Variants in PLD5 observed in about 807,000 individuals in gnomAD.
PLD5 encodes the protein inactive phospholipase D5.
Under a neutral mutation model 61.1 loss-of-function variants are expected in PLD5, and 36 were observed. The observed-to-expected ratio is 0.59, with a 90% CI of 0.45 to 0.78. The LOEUF (loss-of-function observed/expected upper bound fraction) is 0.78, where lower values mean the gene tolerates loss of function less well. PLD5 is among the 30% of genes least tolerant of loss of function. The pLI is 0.00. For synonymous variants in PLD5, 243 were observed against 242.8 expected (o/e 1.00, Z -0.01); for missense variants, 515 against 644.4 (o/e 0.80, Z 2.17).
At chr1:242,394,902 ATATGAATATATATGTATATATGTATACAT>A (rs1663377301) in intron 1 of PLD5, among the ~76,000 whole-genome samples, 1 of 119,280 alleles carries the variant, frequency 8.4e-6, no homozygotes, top group Non-Finnish European at 1.8e-5. Flanking sequence ...ATATGATTAT[ATATGAATATATATGTATATATGTATACAT>A]TATATGAATA....
At chr1:242,340,463 T>A (rs1215545671) in intron 2 of PLD5, among the ~76,000 whole-genome samples, 1 of 151,258 alleles carries the variant, frequency 6.6e-6, no homozygotes, top group African/African-American at 2.4e-5. Context: ...AAAATGATAA[T>A]AAGCTCTTCC....
At chr1:242,431,539 C>T (rs1445332541) in intron 1 of PLD5, among the ~76,000 whole-genome samples, 2 of 152,210 alleles carry the variant, frequency 1.3e-5, no homozygotes, top group Non-Finnish European at 2.9e-5. Context: ...CTTGGTACAC[C>T]ATGATCCTGC....
At chr1:242,518,655 A>C (rs1023673474) in intron 1 of PLD5, among the ~76,000 whole-genome samples, 9 of 152,230 alleles carry the variant, frequency 5.9e-5, no homozygotes, top group Non-Finnish European at 1.3e-4. Context: ...TAGAGAAACT[A>C]GCCAGAAATT....
intron 5 of PLD5, among the ~76,000 whole-genome samples, chr1:242,179,921 A>AGTGTGTGTGTGT (rs4039792): frequency 5.3e-5 from 8 of 150,554 alleles, no homozygotes; most frequent in African/African-American, 1.9e-4. Flanking sequence ...ACCAAAATTG[A>AGTGTGTGTGTGT]GTGTGTGTGT....
intron 4 of PLD5, among the ~76,000 whole-genome samples, chr1:242,243,848 T>G (rs2149068245): frequency 6.6e-6 from 1 of 152,360 alleles, no homozygotes; most frequent in Middle Eastern, 3.4e-3. Context: ...GCTTTTTAAT[T>G]GGAAACACGG....
At chr1:242,246,681 G>T (rs926959664) in intron 4 of PLD5, among the ~76,000 whole-genome samples, 4 of 152,130 alleles carry the variant, frequency 2.6e-5, no homozygotes, top group African/African-American at 9.7e-5. Context: ...ATAATCTAAA[G>T]ATTTTCCCCT....
At chr1:242,395,083 A>T (rs538910787) in intron 1 of PLD5, among the ~76,000 whole-genome samples, 1 of 114,058 alleles carries the variant, frequency 8.8e-6, no homozygotes, top group Non-Finnish European at 1.9e-5. Context: ...ATATATATGT[A>T]TATATATGAA....
intron 4 of PLD5, among the ~76,000 whole-genome samples, chr1:242,242,654 G>A (rs1336789747): frequency 6.6e-6 from 1 of 152,142 alleles, no homozygotes; most frequent in Non-Finnish European, 1.5e-5. Context: ...TCTGATCTGT[G>A]AAGTGAAAAT....
intron 5 of PLD5, among the ~76,000 whole-genome samples, chr1:242,140,055 G>A (rs2800768): frequency 0.59 from 90,228 of 151,986 alleles, 27,451 homozygotes; most frequent in African/African-American, 0.71. Context: ...CAGCCCCTAC[G>A]TGTGCTTCTG....
intron 2 of PLD5, among the ~76,000 whole-genome samples, chr1:242,292,001 G>A (rs1309496348): frequency 1.3e-5 from 2 of 152,144 alleles, no homozygotes; most frequent in East Asian, 1.9e-4. Context: ...GAAGCAGGAA[G>A]ATGAGAGGGG....
chr1:242,095,185 T>G (rs1660128414), intron 9 of PLD5, among the ~76,000 whole-genome samples: 1 of 152,060 alleles, frequency 6.6e-6, no homozygotes, highest in South Asian at 2.1e-4. Context: ...TCCACCCACC[T>G]CAGCTTCCCA....
chr1:242,232,282 T>C (rs1386277550), intron 4 of PLD5, among the ~76,000 whole-genome samples: 1 of 152,178 alleles, frequency 6.6e-6, no homozygotes, highest in Non-Finnish European at 1.5e-5. Context: ...ACACCAGATA[T>C]TTTAATAGTA....
Position 242,100,684 on chromosome 1 carries a change from A to C in PLD5, c.1338T>G (p.Asp446Glu). 6.2e-7 allele frequency: 1 copy of C among 1,613,932 alleles called. No homozygotes were observed. The highest frequency in any genetic ancestry group is 8.5e-7 in the Non-Finnish European group (1 of 1,179,898). The change falls in exon 9 of 10, where the codon GAT becomes GAG. Residue 446 changes from aspartate (D) to glutamate (E), a missense_variant. By Grantham distance (45) the Asp-to-Glu change is conservative. This residue lies in a region of PLD5 where 450 missense variants were observed against 598.1 expected (regional missense o/e 0.75). Transcript: ENST00000536534. ...RLNRNKYMVT[D>E]GAAYIGNFDW... ...GACACCTACCAATATAAGCTGCTCC[A>C]TCTGTCACCATGTACTTGTTGCGAT...
intron 8 of PLD5, 75 bp from the exon 9 acceptor site, chr1:242,100,857 C>T: frequency 1.0e-6 from 1 of 979,872 alleles, no homozygotes; most frequent in South Asian, 1.4e-5. Flanking sequence ...CAAAAGAATG[C>T]ATTATCCAAA....
chr1:242,103,522 A>G (rs1660836407), intron 8 of PLD5, among the ~76,000 whole-genome samples: 1 of 152,158 alleles, frequency 6.6e-6, no homozygotes, highest in Non-Finnish European at 1.5e-5. Context: ...ATGCCACTGT[A>G]ATTATCTGGA....
chr1:242,158,352 G>C (rs1479338256), intron 5 of PLD5, among the ~76,000 whole-genome samples: 2 of 152,070 alleles, frequency 1.3e-5, no homozygotes, highest in Non-Finnish European at 2.9e-5. Flanking sequence ...GGCACCACTG[G>C]GGTATAGAAA....
At chr1:242,239,319 T>C (rs960529378) in intron 4 of PLD5, among the ~76,000 whole-genome samples, 1 of 152,122 alleles carries the variant, frequency 6.6e-6, no homozygotes, top group Non-Finnish European at 1.5e-5. Flanking sequence ...GAATGAATGA[T>C]TGGAAGCCTA....
At chr1:242,257,809 T>C (rs1261475070) in intron 4 of PLD5, among the ~76,000 whole-genome samples, 3 of 152,226 alleles carry the variant, frequency 2.0e-5, no homozygotes, top group Non-Finnish European at 2.9e-5. Context: ...CAGCACCTAG[T>C]GACAGAGTTT....
intron 1 of PLD5, among the ~76,000 whole-genome samples, chr1:242,440,870 G>A (rs12239966): frequency 0.045 from 6,799 of 152,196 alleles, 487 homozygotes; most frequent in African/African-American, 0.15. Flanking sequence ...TCTAAAATCA[G>A]GTCATTCACC....
Sources: allele counts gnomAD v4.1 joint callset (sites outside exome capture counted in the v4.1 genomes callset), GRCh38; gene constraint gnomAD v4.1.1; regional missense constraint gnomAD v4.1.1; transcripts MANE v1.5; gene names NCBI Gene and HGNC (gene_info 2026-07-23, HGNC 2026-07-21).